Variants in KLHL29 observed in about 807,000 individuals in gnomAD.
The protein encoded by KLHL29 is kelch-like protein 29.
In KLHL29, 21 loss-of-function variants were observed where a neutral mutation model predicts 80.4. The observed-to-expected ratio is 0.26, with a 90% CI of 0.19 to 0.38. The LOEUF is 0.38. Among genes scored for constraint, KLHL29 ranks in the 10% least tolerant of loss-of-function variants. The pLI, the probability that KLHL29 is intolerant of heterozygous loss-of-function variation, is 1.00. For synonymous variants in KLHL29, 511 were observed against 526.8 expected (o/e 0.97, Z 0.41); for missense variants, 867 against 1,223.9 (o/e 0.71, Z 4.35).
intron 5 of KLHL29, among the ~76,000 whole-genome samples, chr2:23,663,128 C>T (rs998634377): frequency 6.6e-6 from 1 of 152,180 alleles, no homozygotes; most frequent in African/African-American, 2.4e-5. Context: ...CGCCCTGCTC[C>T]TCGCTGCTCC....
Position 23,701,708 on chromosome 2 carries a change from C to T in KLHL29, c.2106-1478C>T, listed in dbSNP as rs113972097. On this transcript the variant is annotated intron_variant, in intron 11 of 13. Transcript: ENST00000486442. The stretch of plus-strand genomic sequence containing the variant: ...TTCTAGCCTAGGCAACAGAGCAAGA[C>T]CCTGCCTCAAACAAACAAACCTTCA... Among the ~76,000 whole-genome samples the T allele has an allele frequency of 2.2e-3, 336 of 152,110 alleles. 2 individuals carry two copies. The highest frequency in any genetic ancestry group is 7.5e-3 in the African/African-American group (313 of 41,482).
chr2:23,599,172 TGCG>T (rs1033630999), intron 3 of KLHL29, among the ~76,000 whole-genome samples: 5 of 152,184 alleles, frequency 3.3e-5, no homozygotes, highest in African/African-American at 7.2e-5. Context: ...ATCTGAAGCC[TGCG>T]GCAAGGACTC....
In KLHL29 at chr2:23,669,681, C is replaced by T. The variant is rs1458717764; in HGVS notation, c.941-14718C>T. ...GTGTTCACGTAGGGGATGGTCCCCCCTCTGTGTGGCTGCCCTGCCACCCCC... is the reference window on the plus strand; with the variant it reads ...GTGTTCACGTAGGGGATGGTCCCCCTTCTGTGTGGCTGCCCTGCCACCCCC... On this transcript the variant is annotated intron_variant, in intron 5 of 13. Coordinates refer to ENST00000486442, the MANE Select transcript of KLHL29 (RefSeq NM_052920.2). The surrounding 1 kb of genome is among the most constrained non-coding windows in gnomAD (Gnocchi z 4.3). Among the ~76,000 whole-genome samples the T allele has an allele frequency of 6.6e-6, 1 of 152,130 alleles. No homozygotes were observed. The highest frequency in any genetic ancestry group is 2.4e-5 in the African/African-American group (1 of 41,428).
At chr2:23,614,783 G>A (rs1465357413) in intron 3 of KLHL29, among the ~76,000 whole-genome samples, 1 of 152,066 alleles carries the variant, frequency 6.6e-6, no homozygotes, top group Non-Finnish European at 1.5e-5. Flanking sequence ...GCTGAGGGAG[G>A]AACATTGCAG....
intron 2 of KLHL29, among the ~76,000 whole-genome samples, chr2:23,523,520 C>G (rs1453569942): frequency 6.6e-6 from 1 of 152,196 alleles, no homozygotes; most frequent in Non-Finnish European, 1.5e-5. Context: ...CTAAGGCTGG[C>G]AGGAATGAAC....
At chr2:23,445,668 A>G (rs889236421) in intron 1 of KLHL29, among the ~76,000 whole-genome samples, 1 of 152,318 alleles carries the variant, frequency 6.6e-6, no homozygotes, top group African/African-American at 2.4e-5. Context: ...AATTTGTCAG[A>G]TATTGCTACA....
chr2:23,411,252 A>T (rs965118012), intron 1 of KLHL29, among the ~76,000 whole-genome samples: 1 of 152,160 alleles, frequency 6.6e-6, no homozygotes, highest in Non-Finnish European at 1.5e-5. Flanking sequence ...TGTGACATGT[A>T]GCAAAGGTTG....
intron 1 of KLHL29, among the ~76,000 whole-genome samples, chr2:23,443,424 A>T (rs1264292872): frequency 6.6e-6 from 1 of 152,200 alleles, no homozygotes; most frequent in Non-Finnish European, 1.5e-5. Flanking sequence ...ATTGTTTTTT[A>T]AAAATCTATT....
chr2:23,642,183 G>A (rs896395289), intron 4 of KLHL29, among the ~76,000 whole-genome samples, 155 bp from the exon 5 acceptor site: 3 of 152,200 alleles, frequency 2.0e-5, no homozygotes, highest in Admixed American at 6.5e-5. Context: ...CTTATCCTGG[G>A]CTGCCATGAT....
At chr2:23,453,775 A>G (rs951962150) in intron 1 of KLHL29, among the ~76,000 whole-genome samples, 1 of 152,260 alleles carries the variant, frequency 6.6e-6, no homozygotes, top group Non-Finnish European at 1.5e-5. Flanking sequence ...AAGATCATAA[A>G]ATAAGAGGGA....
intron 6 of KLHL29, among the ~76,000 whole-genome samples, chr2:23,687,809 G>A (rs1671339425): frequency 6.6e-6 from 1 of 152,214 alleles, no homozygotes; most frequent in South Asian, 2.1e-4. Flanking sequence ...GGCCGGGTAT[G>A]AGGGTGGCTT....
At chr2:23,446,682 C>G (rs1018312417) in intron 1 of KLHL29, among the ~76,000 whole-genome samples, 3 of 152,198 alleles carry the variant, frequency 2.0e-5, no homozygotes, top group Non-Finnish European at 4.4e-5. Context: ...CTGTAAAACC[C>G]AAGGTGTTGA....
intron 1 of KLHL29, among the ~76,000 whole-genome samples, chr2:23,454,728 A>G (rs540305518): frequency 5.9e-5 from 9 of 151,864 alleles, no homozygotes; most frequent in South Asian, 2.1e-4. Flanking sequence ...GTTTTTTGCT[A>G]TTCCTCTGTT....
chr2:23,567,277 G>A (rs1285298842), intron 3 of KLHL29, among the ~76,000 whole-genome samples: 2 of 152,204 alleles, frequency 1.3e-5, no homozygotes, highest in East Asian at 1.9e-4. Context: ...CAGAATCCTC[G>A]CTGATGTCTG....
chr2:23,521,966 C>G (rs990471237), intron 2 of KLHL29, among the ~76,000 whole-genome samples: 1 of 152,174 alleles, frequency 6.6e-6, no homozygotes, highest in African/African-American at 2.4e-5. Context: ...CTTTCTGCAT[C>G]TCCCCTTATT....
At chr2:23,434,417 A>AT (rs1232478633) in intron 1 of KLHL29, among the ~76,000 whole-genome samples, 2 of 1,060 alleles carry the variant, frequency 1.9e-3, no homozygotes, top group African/African-American at 7.9e-3. Context: ...CTTGGTTCCC[A>AT]TTCCCTGGTG....
chr2:23,506,585 C>CTGTTTCCT (rs1203701826), intron 2 of KLHL29, among the ~76,000 whole-genome samples: 1 of 152,222 alleles, frequency 6.6e-6, no homozygotes, highest in African/African-American at 2.4e-5. Context: ...GTACTCAAGG[C>CTGTTTCCT]TGTTTCCTTC....
intron 3 of KLHL29, among the ~76,000 whole-genome samples, chr2:23,605,378 A>T (rs1180520278): frequency 2.0e-5 from 3 of 151,926 alleles, no homozygotes; most frequent in African/African-American, 7.2e-5. Flanking sequence ...GATCACAGGC[A>T]TGAGCCACCA....
At chr2:23,417,128 C>G (rs944996109) in intron 1 of KLHL29, among the ~76,000 whole-genome samples, 4 of 152,146 alleles carry the variant, frequency 2.6e-5, no homozygotes, top group African/African-American at 9.7e-5. Flanking sequence ...TTCATTGCCT[C>G]TGTCCTCTCT....
Sources: gnomAD v4.1 joint callset for allele counts (sites outside exome capture counted in the v4.1 genomes callset) on GRCh38, gnomAD v4.1.1 for gene constraint, Gnocchi (gnomAD v3.1) non-coding constraint, MANE v1.5 for transcripts, NCBI Gene and HGNC (gene_info 2026-07-23, HGNC 2026-07-21) for gene names.